DTNB: variants seen among roughly 807,000 people sequenced by gnomAD.
DTNB encodes dystrobrevin beta, also known as DTN-B.
In DTNB, 63 loss-of-function variants were observed where a neutral mutation model predicts 90.7. The ratio of observed to expected loss-of-function variants is 0.69; its 90% CI spans 0.57 to 0.86. The LOEUF (loss-of-function observed/expected upper bound fraction) is 0.86, where lower values mean the gene tolerates loss of function less well. DTNB is among the 40% of genes least tolerant of loss of function. The pLI, the probability that DTNB is intolerant of heterozygous loss-of-function variation, is 0.00. For synonymous variants in DTNB, 277 were observed against 286.7 expected (o/e 0.97, Z 0.34); for missense variants, 744 against 807.1 (o/e 0.92, Z 0.95).
chr2:25,567,378 C>T (rs1292474810), intron 8 of DTNB, among the ~76,000 whole-genome samples: 2 of 152,166 alleles, frequency 1.3e-5, no homozygotes, highest in Non-Finnish European at 2.9e-5. Flanking sequence ...TCAATTGATC[C>T]AGGTCTGTCA....
At chr2:25,563,252 C>T (rs903324758) in intron 8 of DTNB, among the ~76,000 whole-genome samples, 7 of 152,168 alleles carry the variant, frequency 4.6e-5, no homozygotes, top group Non-Finnish European at 8.8e-5. Context: ...CAACTGATAA[C>T]GACCATTCTA....
At chr2:25,408,133 C>T (rs970534855) in intron 16 of DTNB, among the ~76,000 whole-genome samples, 7 of 151,876 alleles carry the variant, frequency 4.6e-5, no homozygotes, top group Admixed American at 6.6e-5. Context: ...TAGAGAAACC[C>T]CGTCTCTACT....
At chr2:25,585,550 G>T (rs1203672960) in intron 6 of DTNB, among the ~76,000 whole-genome samples, 2 of 151,938 alleles carry the variant, frequency 1.3e-5, no homozygotes, top group Non-Finnish European at 2.9e-5. Flanking sequence ...AAAGGGGAGA[G>T]GAGTAACCCC....
intron 4 of DTNB, among the ~76,000 whole-genome samples, chr2:25,619,619 AAC>A (rs1314338807): frequency 6.6e-6 from 1 of 152,230 alleles, no homozygotes; most frequent in African/African-American, 2.4e-5. Context: ...TTCCATTTTG[AAC>A]ACTTATGAAG....
At chr2:25,611,941 C>A (rs770480033) in intron 4 of DTNB, among the ~76,000 whole-genome samples, 1 of 152,104 alleles carries the variant, frequency 6.6e-6, no homozygotes, top group Non-Finnish European at 1.5e-5. Flanking sequence ...TAATGTAATT[C>A]TTTCTTTCTC....
In DTNB at chr2:25,628,175, C is replaced by T. The variant is rs1318129209; in HGVS notation, c.358G>A (p.Asp120Asn). The T allele has an allele frequency of 3.1e-6, 5 of 1,613,658 alleles. No homozygotes were observed. In the South Asian group the frequency reaches 5.5e-5, roughly 18 times the overall value. The change falls in exon 4 of 21, where the codon GAC (aspartate) becomes AAC (asparagine). Residue 120 changes from aspartate to asparagine, a missense_variant. Physicochemically the swap from Asp to Asn is conservative, Grantham distance 23. Coordinates refer to ENST00000406818, the MANE Select transcript of DTNB (RefSeq NM_021907.5). ...GTAAGGTAAGGTACTACTAGCCTGTCATATGCAGCAATCATAAAGTTGAGG... is the reference window on the plus strand; with the variant it reads ...GTAAGGTAAGGTACTACTAGCCTGTTATATGCAGCAATCATAAAGTTGAGG... ...LLLNFMIAAY[D>N]SEGRGKLTVF...
intron 15 of DTNB, among the ~76,000 whole-genome samples, chr2:25,427,224 C>CACACACACACACACA: frequency 6.7e-6 from 1 of 148,492 alleles, no homozygotes; most frequent in Non-Finnish European, 1.5e-5. Context: ...CACACACACA[C>CACACACACACACACA]TACTTTAAGT....
intron 9 of DTNB, among the ~76,000 whole-genome samples, chr2:25,519,402 ACT>A (rs2150776372): frequency 1.5e-5 from 2 of 133,590 alleles, no homozygotes; most frequent in South Asian, 2.3e-4. Flanking sequence ...TTGTTTTCTC[ACT>A]CTGTCTTATG....
chr2:25,523,572 C>T (rs538143149), intron 9 of DTNB, among the ~76,000 whole-genome samples: 157 of 145,828 alleles, frequency 1.1e-3, no homozygotes, highest in African/African-American at 3.9e-3. Context: ...GCCTGGGAAG[C>T]GGAGGTTGCA....
intron 19 of DTNB, 56 bp from the exon 20 acceptor site, chr2:25,379,379 C>T: frequency 7.7e-7 from 1 of 1,302,364 alleles, no homozygotes; most frequent in Non-Finnish European, 9.8e-7. Flanking sequence ...TCTTCTCATG[C>T]CCCAGACTAT....
chr2:25,409,433 A>G (rs1347954168), intron 16 of DTNB, among the ~76,000 whole-genome samples: 4 of 152,190 alleles, frequency 2.6e-5, no homozygotes, highest in Non-Finnish European at 5.9e-5. Context: ...GTTTAGATGA[A>G]AAAGAAATGG....
chr2:25,391,956 C>T (rs1023278747), intron 16 of DTNB, among the ~76,000 whole-genome samples: 33 of 152,190 alleles, frequency 2.2e-4, no homozygotes, highest in African/African-American at 7.7e-4. Context: ...TAAATGCCTA[C>T]ATCAAAAAGT....
chr2:25,488,363 T>C (rs1055459767), intron 9 of DTNB, among the ~76,000 whole-genome samples: 7 of 152,038 alleles, frequency 4.6e-5, no homozygotes, highest in African/African-American at 1.5e-4. Context: ...GGTGGTAAAA[T>C]ATCCAAACTA....
intron 9 of DTNB, among the ~76,000 whole-genome samples, chr2:25,487,709 A>G (rs1050209417): frequency 6.6e-6 from 1 of 152,190 alleles, no homozygotes; most frequent in African/African-American, 2.4e-5. Context: ...GAATTAAGAG[A>G]ACCCTAGATA....
At chr2:25,602,952 G>C (rs902271234) in intron 5 of DTNB, among the ~76,000 whole-genome samples, 3 of 152,080 alleles carry the variant, frequency 2.0e-5, no homozygotes, top group African/African-American at 7.2e-5. Flanking sequence ...TTTCATATAA[G>C]TGTTGCAATA....
At chr2:25,617,139 T>C (rs1298209874) in intron 4 of DTNB, among the ~76,000 whole-genome samples, 1 of 152,108 alleles carries the variant, frequency 6.6e-6, no homozygotes, top group Non-Finnish European at 1.5e-5. Context: ...GTATGCACTT[T>C]CAGGTGAACA....
intron 4 of DTNB, among the ~76,000 whole-genome samples, chr2:25,619,872 T>C (rs759449390): frequency 9.2e-5 from 14 of 151,978 alleles, no homozygotes; most frequent in Non-Finnish European, 1.6e-4. Flanking sequence ...AAACCCCATC[T>C]CTACTAAAAA....
chr2:25,568,364 G>A (rs1032617290), intron 8 of DTNB, among the ~76,000 whole-genome samples: 2 of 151,878 alleles, frequency 1.3e-5, no homozygotes, highest in African/African-American at 4.8e-5. Context: ...TTGGGAGGGA[G>A]GGAAGGAAGT....
chr2:25,526,382 T>TAA (rs1558884331), intron 9 of DTNB, among the ~76,000 whole-genome samples: 367 of 53,670 alleles, frequency 6.8e-3, no homozygotes, highest in Non-Finnish European at 8.9e-3. Context: ...TATATATATA[T>TAA]ATATATATAT....
Sources: gnomAD v4.1 joint callset for allele counts (sites outside exome capture counted in the v4.1 genomes callset) on GRCh38, gnomAD v4.1.1 for gene constraint, MANE v1.5 for transcripts, NCBI Gene and HGNC (gene_info 2026-07-23, HGNC 2026-07-21) for gene names.